The following SLC9A6 variants were observed in gnomAD, a reference collection of about 807,000 sequenced individuals.
The protein encoded by SLC9A6 is sodium/hydrogen exchanger 6.
SLC9A6 carries 6 observed loss-of-function variants against 45.3 expected under a neutral mutation model. The observed-to-expected ratio is 0.13, with a 90% CI of 0.07 to 0.26. SLC9A6 has a LOEUF of 0.26. Ranked by LOEUF, SLC9A6 falls within the 10% of genes least tolerant of loss-of-function variation. The probability of loss-of-function intolerance (pLI) is 1.00; values close to 1 mark genes in which losing one functional copy is unlikely to be tolerated. For missense variants in SLC9A6, 278 were observed against 503.7 expected, an observed-to-expected ratio of 0.55 and a Z score of 4.29; for synonymous variants, 191 against 187.7, an observed-to-expected ratio of 1.02 and a Z score of -0.14.
At chrX:135,990,799 A>G (rs1393658020) in intron 2 of SLC9A6, among the ~76,000 whole-genome samples, 1 of 111,462 alleles carries the variant, frequency 9.0e-6, no homozygotes, top group Non-Finnish European at 1.9e-5. Context: ...AATAAAATAA[A>G]AAAAAAGAAC....
chrX:135,978,512 TGTG>T (rs2089272755), intron 1 of SLC9A6, among the ~76,000 whole-genome samples: 1 of 110,853 alleles, frequency 9.0e-6, no homozygotes, highest in Admixed American at 9.6e-5. Context: ...ATTAGCTAGG[TGTG>T]GTGGCGCATG....
At chrX:135,986,136 A>G (rs1396245758) in intron 2 of SLC9A6, among the ~76,000 whole-genome samples, 3 of 110,279 alleles carry the variant, frequency 2.7e-5, no homozygotes, top group Non-Finnish European at 5.7e-5. Context: ...TGAGGATGGA[A>G]AACGAGTGGG....
At chrX:136,025,928 T>A (rs1446167070) in intron 13 of SLC9A6, among the ~76,000 whole-genome samples, 1 of 111,486 alleles carries the variant, frequency 9.0e-6, no homozygotes, top group African/African-American at 3.3e-5. Flanking sequence ...GTCCTAAGGA[T>A]AACAAAATTA....
intron 9 of SLC9A6, 76 bp from the exon 10 acceptor site, chrX:136,013,270 TCTA>T (rs2070957584): frequency 1.2e-6 from 1 of 828,533 alleles, no homozygotes; most frequent in East Asian, 3.1e-5. Context: ...AAGCCTATAA[TCTA>T]CTGTGAAGAA....
At chrX:135,977,167 G>A (rs987868227) in intron 1 of SLC9A6, among the ~76,000 whole-genome samples, 1 of 112,190 alleles carries the variant, frequency 8.9e-6, no homozygotes, top group Non-Finnish European at 1.9e-5. Flanking sequence ...CAAACCTCAT[G>A]AGAAAGTGCA....
At chrX:136,014,979 C>T (rs1216718389) in intron 10 of SLC9A6, among the ~76,000 whole-genome samples, 1 of 112,021 alleles carries the variant, frequency 8.9e-6, no homozygotes, top group Non-Finnish European at 1.9e-5. Context: ...GAAACAGTAC[C>T]CTTAGAAGGA....
chrX:136,006,287 T>C (rs1458548187), intron 7 of SLC9A6, among the ~76,000 whole-genome samples: 2 of 110,340 alleles, frequency 1.8e-5, no homozygotes, highest in African/African-American at 6.6e-5. Context: ...AGGTTGTTTT[T>C]GTTTCTGTCT....
At chrX:136,019,442 A>T (rs984361657) in intron 11 of SLC9A6, among the ~76,000 whole-genome samples, 8 of 111,850 alleles carry the variant, frequency 7.2e-5, no homozygotes, top group South Asian at 3.8e-4. Context: ...GGAGGCTAGG[A>T]GTTATATACT....
chrX:135,985,323 C>G, upstream of SLC9A6: 1 of 312,751 alleles, frequency 3.2e-6, no homozygotes, highest in Non-Finnish European at 5.4e-6. Flanking sequence ...TGACCTGGGA[C>G]AGAGGGGCAA....
chrX:135,986,863 G>A lies in SLC9A6; in HGVS notation c.169+1036G>A, dbSNP rs782394036. 9.1e-4 allele frequency among the ~76,000 whole-genome samples: 102 copies of A among 111,529 alleles called. 1 individual carries two copies. Among genetic ancestry groups the A allele is most frequent in the African/African-American group, 3.3e-3 (100 of 30,648 alleles). ...GGGTATTGCTAAAGAGATGAGGGCG[G>A]ACAAACAATTCTTTCTGTGCAGTAC... On this transcript the variant is annotated intron_variant, in intron 2 of 17. Transcript: ENST00000630721.
intron 7 of SLC9A6, among the ~76,000 whole-genome samples, chrX:136,003,401 A>G (rs782250624): frequency 8.9e-6 from 1 of 112,660 alleles, no homozygotes; most frequent in East Asian, 2.8e-4. Flanking sequence ...TTTTAAAGTT[A>G]CATACTGTCT....
Position 136,022,655 on chromosome X carries a change from A to T in SLC9A6, c.1264A>T (p.Ser422Cys). 1 of 1,196,937 alleles carries T rather than the reference A, an allele frequency of 8.4e-7. No homozygotes were observed. The highest frequency in any genetic ancestry group is 1.8e-5 in the South Asian group (1 of 56,681). ...CCTCTTACTTAATTTGGGTAGAAGA[A>T]GTAAGATTGGATCAAATTTTCAACA... ...LSLLLNLGRR[S>C]KIGSNFQHMM... Residue 422 changes from serine to cysteine, a missense_variant, in exon 12 of 18, where the codon AGT becomes TGT. Physicochemically the swap from Ser to Cys is moderately radical, Grantham distance 112 (BLOSUM62 -1). Transcript: ENST00000630721.
At chrX:136,032,638 A>G (rs782082273) in intron 15 of SLC9A6, among the ~76,000 whole-genome samples, 1 of 112,036 alleles carries the variant, frequency 8.9e-6, no homozygotes, top group Non-Finnish European at 1.9e-5. Flanking sequence ...CCTACTTGCT[A>G]TGTTAGTTTC....
At chrX:135,990,855 TA>T (rs2089418722) in intron 2 of SLC9A6, among the ~76,000 whole-genome samples, 2 of 112,030 alleles carry the variant, frequency 1.8e-5, no homozygotes, top group Admixed American at 1.9e-4. Context: ...CTGCCATTAT[TA>T]GCATTTGTAG....
At chrX:136,019,803 C>T (rs1603211826) in intron 11 of SLC9A6, among the ~76,000 whole-genome samples, 2 of 111,963 alleles carry the variant, frequency 1.8e-5, no homozygotes, top group Admixed American at 1.9e-4. Context: ...TAGTTTTTCC[C>T]TAATGTCCTT....
chrX:136,040,394 A>G (rs1225533372), intron 17 of SLC9A6, among the ~76,000 whole-genome samples: 1 of 112,252 alleles, frequency 8.9e-6, no homozygotes, highest in Admixed American at 9.5e-5. Flanking sequence ...TTGAAAACAG[A>G]TATAGAATCG....
At chrX:136,004,393 C>A (rs971340155) in intron 7 of SLC9A6, among the ~76,000 whole-genome samples, 3 of 111,170 alleles carry the variant, frequency 2.7e-5, no homozygotes, top group Non-Finnish European at 3.8e-5. Context: ...CTGGCCCCTG[C>A]CTACCTACTC....
intron 16 of SLC9A6, among the ~76,000 whole-genome samples, chrX:136,035,744 G>T (rs2071402005): frequency 9.3e-6 from 1 of 107,787 alleles, no homozygotes; most frequent in Non-Finnish European, 1.9e-5. Flanking sequence ...CGTGTTTTTT[G>T]TTTGTTTGTT....
At chrX:136,042,177 AT>A (rs782747805) in intron 17 of SLC9A6, among the ~76,000 whole-genome samples, 1,722 of 98,613 alleles carry the variant, frequency 0.017, 15 homozygotes, top group Middle Eastern at 0.06. Context: ...ATCACACTTA[AT>A]TTTTTTTTTT....
Sources: gnomAD v4.1 joint callset for allele counts (sites outside exome capture counted in the v4.1 genomes callset) on GRCh38, gnomAD v4.1.1 for gene constraint, MANE v1.5 for transcripts, NCBI Gene and HGNC (gene_info 2026-07-23, HGNC 2026-07-21) for gene names.